HIVEP1: variants seen among roughly 807,000 people sequenced by gnomAD.
The protein encoded by HIVEP1 is zinc finger protein 40.
Under a neutral mutation model 180.0 loss-of-function variants are expected in HIVEP1, and 36 were observed. The ratio of observed to expected loss-of-function variants is 0.20; its 90% confidence interval spans 0.15 to 0.26. HIVEP1 has a LOEUF of 0.26. Among genes scored for constraint, HIVEP1 ranks in the 10% least tolerant of loss-of-function variants. The pLI is 1.00. For missense variants in HIVEP1, 3,143 were observed against 3,268.7 expected (o/e 0.96, Z 0.94); for synonymous variants, 1,239 against 1,239.0 (o/e 1.00, Z 0.00).
chr6:12,026,664 G>C (rs946902174), intron 2 of HIVEP1, among the ~76,000 whole-genome samples: 3 of 152,082 alleles, frequency 2.0e-5, no homozygotes, highest in African/African-American at 7.2e-5. Context: ...AAAGAAGATC[G>C]TTCGGTGGCT....
At chr6:12,023,606 A>T (rs1768393434) in intron 2 of HIVEP1, among the ~76,000 whole-genome samples, 1 of 152,228 alleles carries the variant, frequency 6.6e-6, no homozygotes, top group Admixed American at 6.5e-5. Context: ...GACAGTGCTT[A>T]GTTTGAGGAG....
chr6:12,065,195 A>G (rs1047837705), intron 2 of HIVEP1, among the ~76,000 whole-genome samples: 2 of 152,206 alleles, frequency 1.3e-5, no homozygotes, highest in Non-Finnish European at 2.9e-5. Flanking sequence ...TGAGAGTTGG[A>G]GTTAAAGCAT....
intron 2 of HIVEP1, among the ~76,000 whole-genome samples, chr6:12,041,694 C>T (rs549446855): frequency 1.1e-3 from 173 of 152,214 alleles, no homozygotes; most frequent in Middle Eastern, 3.4e-3. Context: ...GACAGAGTCT[C>T]GCTCTCTCGC....
chr6:12,032,285 A>G (rs547138824), intron 2 of HIVEP1, among the ~76,000 whole-genome samples: 171 of 151,660 alleles, frequency 1.1e-3, no homozygotes, highest in African/African-American at 4.0e-3. Context: ...CGACTACAAG[A>G]GCGCCACCAT....
At chr6:12,025,617 A>G (rs1768530387) in intron 2 of HIVEP1, among the ~76,000 whole-genome samples, 1 of 152,244 alleles carries the variant, frequency 6.6e-6, no homozygotes, top group East Asian at 1.9e-4. Context: ...AAACATTAAA[A>G]TTCTAAGCAA....
At chr6:12,157,780 C>T (rs750298225) in intron 7 of HIVEP1, among the ~76,000 whole-genome samples, 2 of 151,960 alleles carry the variant, frequency 1.3e-5, no homozygotes, top group Admixed American at 1.3e-4. Flanking sequence ...GAGGAACTTC[C>T]GTTTAACATT....
At chr6:12,048,098 TCAGCTTCTTAC>T (rs1278124352) in intron 2 of HIVEP1, among the ~76,000 whole-genome samples, 3 of 152,232 alleles carry the variant, frequency 2.0e-5, no homozygotes, top group Admixed American at 6.5e-5. Context: ...CATGGGCTTT[TCAGCTTCTTAC>T]AAGATTTCTG....
the HIVEP1 span, among the ~76,000 whole-genome samples, chr6:12,170,164 T>A: frequency 6.6e-6 from 1 of 151,774 alleles, no homozygotes; most frequent in Admixed American, 6.6e-5. Context: ...TGATGCAAAT[T>A]AAATGATGCC....
At chr6:12,062,752 G>A (rs1412243658) in intron 2 of HIVEP1, among the ~76,000 whole-genome samples, 1 of 152,162 alleles carries the variant, frequency 6.6e-6, no homozygotes, top group African/African-American at 2.4e-5. Flanking sequence ...CTTGCTCAAT[G>A]TCATAAAGAT....
Position 12,121,743 on chromosome 6 carries a change from C to T in HIVEP1, c.1948C>T (p.Gln650Ter). 6.2e-7 allele frequency: 1 copy of T among 1,614,160 alleles called. No individual in the cohort carries two copies. Among genetic ancestry groups the T allele is most frequent in the Non-Finnish European group, 8.5e-7 (1 of 1,180,028 alleles). ...GTVHAQLQRQ[Q>*]ATDYSQEQQG... ...GGTACACGCCCAGCTACAAAGGCAG[C>T]AGGCTACCGATTACTCCCAAGAGCA... is the stretch of plus-strand genomic sequence containing the variant. The change falls in exon 4 of 9, where the codon CAG becomes TAG. Residue 650 changes from glutamine to a stop codon, truncating the protein, a stop_gained. Coordinates refer to ENST00000379388, the MANE Select transcript of HIVEP1 (RefSeq NM_002114.4). LOFTEE classifies it high-confidence loss of function. This position sits in a 1 kb window ranked among gnomAD's most constrained non-coding sequence, Gnocchi z 5.3.
At chr6:12,040,816 A>G (rs1301077454) in intron 2 of HIVEP1, among the ~76,000 whole-genome samples, 2 of 152,006 alleles carry the variant, frequency 1.3e-5, no homozygotes, top group Non-Finnish European at 2.9e-5. Flanking sequence ...GGAAGCTTCC[A>G]ATCATGGTGG....
intron 3 of HIVEP1, among the ~76,000 whole-genome samples, chr6:12,112,970 C>T (rs1774998784): frequency 6.6e-6 from 1 of 152,042 alleles, no homozygotes; most frequent in Non-Finnish European, 1.5e-5. Flanking sequence ...CTGCCCTTTC[C>T]CTATCAGCTT....
rs368279780 is a variant in HIVEP1, at chr6:12,124,382, A to G, written c.4587A>G (p.Leu1529=). 8.7e-6 allele frequency: 14 copies of G among 1,614,008 alleles called. No individual in the cohort carries two copies. The highest frequency in any genetic ancestry group is 6.7e-5 in the Admixed American group (4 of 60,004). Reference sequence around the variant, plus strand: ...CGCCTAGCCACCAGAGCACACAGCTATCTCTGCAAGTGTCTACGCAGGGTA... The same window carrying G: ...CGCCTAGCCACCAGAGCACACAGCTGTCTCTGCAAGTGTCTACGCAGGGTA... ...HAPPSHQSTQ[L]SLQVSTQGSK... Residue 1529 remains leucine (L), a synonymous_variant, in exon 4 of 9, where the codon CTA becomes CTG. Coordinates refer to ENST00000379388, the MANE Select transcript of HIVEP1 (RefSeq NM_002114.4).
chr6:12,105,915 C>T (rs1054491834), intron 3 of HIVEP1, among the ~76,000 whole-genome samples: 1 of 151,884 alleles, frequency 6.6e-6, no homozygotes, highest in African/African-American at 2.4e-5. Flanking sequence ...ACTTTATCAT[C>T]CAGTGTATGA....
At position 12,157,159 on chromosome 6, in the gene HIVEP1, T is replaced by A. The variant is rs144881701; in HGVS notation, c.6488-4280T>A. On this transcript the variant is annotated intron_variant, in intron 7 of 8. Transcript: ENST00000379388. ...ATTTTAGTTATTGATTTATGGTATA[T>A]CTTTCCCCAAACTTTTATTTTCAGC... is the stretch of plus-strand genomic sequence containing the variant. Among the ~76,000 whole-genome samples the A allele has an allele frequency of 2.2e-3, 342 of 152,308 alleles. 7 individuals are homozygous for A. The Middle Eastern group carries it at 0.027, about 12-fold the overall frequency.
At chr6:12,062,364 A>C (rs1352720107) in intron 2 of HIVEP1, among the ~76,000 whole-genome samples, 1 of 152,138 alleles carries the variant, frequency 6.6e-6, no homozygotes, top group Non-Finnish European at 1.5e-5. Context: ...AGTAAGTCTA[A>C]ATTTCTTTAC....
upstream of HIVEP1, chr6:12,011,980 C>G (rs1355938871): frequency 1.4e-5 from 2 of 147,252 alleles, no homozygotes; most frequent in Non-Finnish European, 3.0e-5. Context: ...CCTGCCTCCC[C>G]CGCGCCGCCC....
chr6:12,178,343 C>G, the HIVEP1 span, among the ~76,000 whole-genome samples: 1 of 152,202 alleles, frequency 6.6e-6, no homozygotes, highest in Non-Finnish European at 1.5e-5. Context: ...AATTCCAACA[C>G]TTTGAGAGAC....
Position 12,121,037 on chromosome 6 carries a change from A to T in HIVEP1, c.1242A>T (p.Ala414=). ...GKYICEYCNR[A]CAKPSVLLKH... is the part of the protein sequence containing the mutation. ...ATATTTGTGAGTATTGCAATAGAGC[A>T]TGTGCAAAGCCTAGTGTGCTTTTAA... Residue 414 remains alanine (A), a synonymous_variant, in exon 4 of 9, where the codon GCA becomes GCT. Coordinates refer to ENST00000379388, the MANE Select transcript of HIVEP1 (RefSeq NM_002114.4). This position sits in a 1 kb window ranked among gnomAD's most constrained non-coding sequence, Gnocchi z 5.3. The T allele has an allele frequency of 4.3e-6, 7 of 1,614,226 alleles. No homozygotes were observed. Among genetic ancestry groups the T allele is most frequent in the Non-Finnish European group, 5.9e-6 (7 of 1,180,034 alleles).
Sources: allele counts gnomAD v4.1 joint callset (sites outside exome capture counted in the v4.1 genomes callset), GRCh38; gene constraint gnomAD v4.1.1; non-coding constraint Gnocchi (gnomAD v3.1); transcripts MANE v1.5; gene names NCBI Gene and HGNC (gene_info 2026-07-23, HGNC 2026-07-21).